LRRIQ3: variants seen among roughly 807,000 people sequenced by gnomAD.
LRRIQ3 encodes leucine-rich repeat and IQ domain-containing protein 3.
A neutral mutation model predicts 59.3 loss-of-function variants in LRRIQ3; 75 were observed. The ratio of observed to expected loss-of-function variants is 1.26; its 90% CI spans 1.05 to 1.53. LRRIQ3 has a LOEUF of 1.53. Ranked by LOEUF, LRRIQ3 falls within the 40% of genes most tolerant of loss-of-function variation. The pLI is 0.00. For missense variants in LRRIQ3, 831 were observed against 710.0 expected, an observed-to-expected ratio of 1.17 and a Z score of -1.94; for synonymous variants, 250 against 231.3, an observed-to-expected ratio of 1.08 and a Z score of -0.73.
At chr1:74,039,148 C>G (rs533118229) in intron 7 of LRRIQ3, among the ~76,000 whole-genome samples, 5 of 152,232 alleles carry the variant, frequency 3.3e-5, no homozygotes, top group African/African-American at 9.6e-5. Flanking sequence ...CCTGATGGAG[C>G]TAAAAACATA....
chr1:74,081,941 G>A (rs1447391045), intron 5 of LRRIQ3: 3 of 151,456 alleles, frequency 2.0e-5, no homozygotes, highest in African/African-American at 7.2e-5. Flanking sequence ...TACTCTCTCT[G>A]AGGACTGAGG....
intron 1 of LRRIQ3, among the ~76,000 whole-genome samples, chr1:74,186,261 C>G (rs1650369817): frequency 6.6e-6 from 1 of 151,906 alleles, no homozygotes; most frequent in African/African-American, 2.4e-5. Context: ...ATAGATTCAT[C>G]CACCAGGAAT....
At chr1:74,100,663 CA>C (rs2100541046) in intron 5 of LRRIQ3, among the ~76,000 whole-genome samples, 1 of 152,278 alleles carries the variant, frequency 6.6e-6, no homozygotes, top group South Asian at 2.1e-4. Context: ...AACTATACTA[CA>C]AGGCTACAGT....
intron 4 of LRRIQ3, among the ~76,000 whole-genome samples, chr1:74,148,253 C>T (rs527523715): frequency 1.3e-5 from 2 of 152,186 alleles, no homozygotes; most frequent in East Asian, 1.9e-4. Flanking sequence ...GGATAGGATG[C>T]TTTGACTTTG....
At position 74,041,717 on chromosome 1, in the gene LRRIQ3, T is replaced by G. The variant is rs763404605; in HGVS notation, c.1214A>C (p.Lys405Thr). The change falls in exon 7 of 8, where the codon AAA (lysine) becomes ACA (threonine). Residue 405 changes from lysine (K) to threonine (T), a missense_variant. Coordinates refer to ENST00000354431, the MANE Select transcript of LRRIQ3 (RefSeq NM_001105659.2). The stretch of plus-strand genomic sequence containing the variant: ...AGCTCTTTGTGGTGCAAAAAACTCT[T>G]TCATACTCCGCTCCAATCGTATGTC... ...KKDIRLERSM[K>T]EFFAPQRAGM... 7.4e-6 allele frequency: 12 copies of G among 1,613,546 alleles called. No homozygotes were observed. The African/African-American group carries it at 9.3e-5, about 13-fold the overall frequency.
chr1:74,071,804 G>T (rs1222925403), intron 6 of LRRIQ3, among the ~76,000 whole-genome samples: 1 of 152,134 alleles, frequency 6.6e-6, no homozygotes, highest in East Asian at 1.9e-4. Context: ...CACTAACTCA[G>T]ACTCTCTGGG....
chr1:74,106,837 A>G (rs1392720789), intron 5 of LRRIQ3, among the ~76,000 whole-genome samples: 2 of 151,790 alleles, frequency 1.3e-5, no homozygotes, highest in South Asian at 2.1e-4. Context: ...ATTTAATTGA[A>G]CTCCCACAGT....
In LRRIQ3 at chr1:74,029,989, G is replaced by A. The variant is rs564558575; in HGVS notation, c.1719-3020C>T. 4.6e-5 allele frequency among the ~76,000 whole-genome samples: 7 copies of A among 152,104 alleles called. No individual in the cohort carries two copies. The South Asian group carries it at 1.4e-3, about 32-fold the overall frequency. ...AGATTTTCTAGTTTATTTGCTCAGA[G>A]AGCCAAATCATGAGTGAACTCCCAT... On this transcript the variant is annotated intron_variant, in intron 7 of 7. Coordinates refer to ENST00000354431, the MANE Select transcript of LRRIQ3 (RefSeq NM_001105659.2).
Position 74,114,241 on chromosome 1 carries a change from T to A in LRRIQ3, c.708-4688A>T, listed in dbSNP as rs547631233. ...GAATATATCCATTCATCTTTTAGTTTCTTTAAAAAGCTTACAGTTTTATAA... is the reference window on the plus strand; with the variant it reads ...GAATATATCCATTCATCTTTTAGTTACTTTAAAAAGCTTACAGTTTTATAA... On this transcript the variant is annotated intron_variant, in intron 4 of 7. Coordinates refer to ENST00000354431, the MANE Select transcript of LRRIQ3 (RefSeq NM_001105659.2). Among the ~76,000 whole-genome samples, 1,374 of 152,138 alleles carry A rather than the reference T, an allele frequency of 9.0e-3. 8 individuals carry two copies. Among genetic ancestry groups the A allele is most frequent in the Middle Eastern group, 0.024 (7 of 294 alleles).
At chr1:74,102,354 C>T (rs1027597052) in intron 5 of LRRIQ3, among the ~76,000 whole-genome samples, 3 of 151,812 alleles carry the variant, frequency 2.0e-5, no homozygotes, top group South Asian at 4.2e-4. Flanking sequence ...ACAGAAATGC[C>T]TCAAAAGTAT....
chr1:74,163,959 T>C (rs1648811900), intron 3 of LRRIQ3, among the ~76,000 whole-genome samples: 1 of 151,512 alleles, frequency 6.6e-6, no homozygotes, highest in African/African-American at 2.4e-5. Context: ...TAATATCTCA[T>C]TGTGGTTTCA....
chr1:74,033,344 T>G (rs557393199), intron 7 of LRRIQ3, among the ~76,000 whole-genome samples: 54 of 152,000 alleles, frequency 3.6e-4, no homozygotes, highest in Non-Finnish European at 5.4e-4. Context: ...AAATAATAAT[T>G]GAATTAAAGA....
chr1:74,185,127 G>C (rs2100730053), intron 1 of LRRIQ3, among the ~76,000 whole-genome samples: 1 of 152,252 alleles, frequency 6.6e-6, no homozygotes, highest in East Asian at 1.9e-4. Flanking sequence ...TTTATGTGCA[G>C]GTTTTTGTGT....
chr1:74,057,387 A>AT (rs1654568710), intron 6 of LRRIQ3, among the ~76,000 whole-genome samples: 1 of 152,170 alleles, frequency 6.6e-6, no homozygotes, highest in Non-Finnish European at 1.5e-5. Context: ...TGGTACTGGC[A>AT]TAAATGGAGA....
chr1:74,150,235 G>A (rs746918945), intron 4 of LRRIQ3, among the ~76,000 whole-genome samples: 1 of 152,088 alleles, frequency 6.6e-6, no homozygotes, highest in Non-Finnish European at 1.5e-5. Flanking sequence ...AGGAAGGTTG[G>A]ATCCTTGATT....
chr1:74,036,004 C>T (rs1201770961), intron 7 of LRRIQ3, among the ~76,000 whole-genome samples: 1 of 152,066 alleles, frequency 6.6e-6, no homozygotes, highest in Non-Finnish European at 1.5e-5. Flanking sequence ...TTATGTTTGC[C>T]ACTGGACTGT....
intron 7 of LRRIQ3, among the ~76,000 whole-genome samples, chr1:74,029,149 G>C (rs930329676): frequency 1.3e-5 from 2 of 152,142 alleles, no homozygotes; most frequent in Admixed American, 1.3e-4. Context: ...ATACAATCAC[G>C]TCATCTGCAA....
chr1:74,109,232 C>A (rs1005352850), intron 5 of LRRIQ3, 162 bp downstream of exon 5: 1 of 600,602 alleles, frequency 1.7e-6, no homozygotes, highest in South Asian at 1.8e-5. Flanking sequence ...ATTTGTATTA[C>A]ATTACTATAT....
In LRRIQ3 at chr1:74,101,135, G is replaced by C. The variant is rs191159499; in HGVS notation, c.867+8259C>G. Among the ~76,000 whole-genome samples, 376 of 152,174 alleles carry C rather than the reference G, an allele frequency of 2.5e-3. 1 individual carries two copies. Among genetic ancestry groups the C allele is most frequent in the Middle Eastern group, 0.02 (6 of 294 alleles). On this transcript the variant is annotated intron_variant, in intron 5 of 7. Transcript: ENST00000354431. ...AGTGAACAGGCAATCTACAGAACAG[G>C]AGAACATTTTTGCAATCTACTCATC...
Sources: allele counts gnomAD v4.1 joint callset (sites outside exome capture counted in the v4.1 genomes callset), GRCh38; gene constraint gnomAD v4.1.1; transcripts MANE v1.5; gene names NCBI Gene and HGNC (gene_info 2026-07-23, HGNC 2026-07-21).